Variants in PTPRN2 observed in about 807,000 individuals in gnomAD.
PTPRN2 encodes the protein protein tyrosine phosphatase receptor type N2.
Under a neutral mutation model 118.8 loss-of-function variants are expected in PTPRN2, and 74 were observed. The observed-to-expected ratio is 0.62, with a 90% CI of 0.52 to 0.76. PTPRN2 has a LOEUF of 0.76. Ranked by LOEUF, PTPRN2 falls within the 30% of genes least tolerant of loss-of-function variation. PTPRN2 has a pLI of 0.00. For missense variants in PTPRN2, 1,481 were observed against 1,394.4 expected (o/e 1.06, Z -0.99); for synonymous variants, 641 against 608.0 (o/e 1.05, Z -0.80).
intron 3 of PTPRN2, among the ~76,000 whole-genome samples, chr7:158,254,693 C>G (rs1030169687): frequency 1.6e-4 from 25 of 152,034 alleles, no homozygotes; most frequent in African/African-American, 5.8e-4. Context: ...TGTAACTGGA[C>G]AGTGGCACAG....
chr7:158,325,080 G>T (rs1332183308), intron 2 of PTPRN2, among the ~76,000 whole-genome samples: 1 of 151,532 alleles, frequency 6.6e-6, no homozygotes, highest in Non-Finnish European at 1.5e-5. Flanking sequence ...TCCACAGGGG[G>T]TCCCCCAGGC....
intron 12 of PTPRN2, among the ~76,000 whole-genome samples, chr7:157,702,028 T>C (rs1720573269): frequency 6.6e-6 from 1 of 151,060 alleles, no homozygotes; most frequent in Non-Finnish European, 1.5e-5. Context: ...GGGCTGTGCA[T>C]TTATAAGAAA....
intron 13 of PTPRN2, among the ~76,000 whole-genome samples, chr7:157,657,976 CCA>C (rs767566630): frequency 7.2e-4 from 94 of 130,284 alleles, no homozygotes; most frequent in African/African-American, 2.5e-3. Context: ...CACACACACA[CCA>C]CACACACGTC....
At chr7:158,357,257 G>A (rs571490205) in intron 2 of PTPRN2, among the ~76,000 whole-genome samples, 90 of 152,368 alleles carry the variant, frequency 5.9e-4, no homozygotes, top group African/African-American at 1.1e-3. Context: ...GTGGGTGCCC[G>A]GCTTGCAGGC....
chr7:157,597,345 T>A (rs1801402064), intron 16 of PTPRN2, among the ~76,000 whole-genome samples: 1 of 152,152 alleles, frequency 6.6e-6, no homozygotes, highest in African/African-American at 2.4e-5. Flanking sequence ...GAAAAATGCT[T>A]AGCAGAAATA....
chr7:158,218,418 G>A (rs902150188), intron 3 of PTPRN2, among the ~76,000 whole-genome samples: 14 of 152,172 alleles, frequency 9.2e-5, no homozygotes, highest in South Asian at 2.1e-4. Flanking sequence ...CATTAGACCC[G>A]CTTTACAAAG....
intron 1 of PTPRN2, among the ~76,000 whole-genome samples, chr7:158,523,987 T>G (rs1407504310): frequency 3.2e-5 from 2 of 63,222 alleles, no homozygotes; most frequent in Non-Finnish European, 5.7e-5. Context: ...GAGTGGAGTC[T>G]GCCCTGGAGT....
chr7:157,755,257 T>A (rs1202927640), intron 12 of PTPRN2, among the ~76,000 whole-genome samples: 1 of 152,244 alleles, frequency 6.6e-6, no homozygotes, highest in Non-Finnish European at 1.5e-5. Context: ...TTTAGACTAT[T>A]CAAGCTGTCA....
intron 2 of PTPRN2, among the ~76,000 whole-genome samples, chr7:158,395,116 G>A (rs73729794): frequency 0.033 from 5,010 of 152,120 alleles, 254 homozygotes; most frequent in African/African-American, 0.11. Context: ...GTAAGTAGCC[G>A]CGTTTTCGCC....
At chr7:158,479,959 A>C (rs547839954) in intron 2 of PTPRN2, among the ~76,000 whole-genome samples, 4 of 152,380 alleles carry the variant, frequency 2.6e-5, no homozygotes, top group African/African-American at 9.6e-5. Flanking sequence ...CAACTGAGCC[A>C]CTGGTTCTCT....
chr7:157,882,049 GCCA>G (rs1361906659), intron 12 of PTPRN2, among the ~76,000 whole-genome samples: 2 of 148,828 alleles, frequency 1.3e-5, no homozygotes, highest in Non-Finnish European at 3.0e-5. Flanking sequence ...ATCAGCACAT[GCCA>G]CCCCACAAAC....
At chr7:157,765,199 T>C (rs1433495680) in intron 12 of PTPRN2, among the ~76,000 whole-genome samples, 1 of 149,550 alleles carries the variant, frequency 6.7e-6, no homozygotes, top group Admixed American at 6.7e-5. Context: ...CATTCCTCCA[T>C]GCATCCATCC....
chr7:157,696,353 A>T (rs568013728), intron 12 of PTPRN2, among the ~76,000 whole-genome samples: 1 of 127,060 alleles, frequency 7.9e-6, no homozygotes, highest in East Asian at 2.7e-4. Context: ...CCATCTACTC[A>T]TGCATACTGG....
intron 1 of PTPRN2, among the ~76,000 whole-genome samples, chr7:158,502,244 C>T (rs1000057449): frequency 5.9e-5 from 9 of 152,218 alleles, no homozygotes; most frequent in Non-Finnish European, 1.2e-4. Flanking sequence ...CACTTGCTTA[C>T]AGATTGCCTA....
At chr7:158,064,891 C>T (rs1044579219) in intron 11 of PTPRN2, among the ~76,000 whole-genome samples, 5 of 152,156 alleles carry the variant, frequency 3.3e-5, no homozygotes, top group Admixed American at 6.5e-5. Flanking sequence ...GGATGGGGCA[C>T]AGAGTGGCCA....
intron 11 of PTPRN2, among the ~76,000 whole-genome samples, chr7:158,051,407 T>C (rs1809317625): frequency 1.3e-5 from 2 of 152,196 alleles, no homozygotes; most frequent in African/African-American, 4.8e-5. Context: ...AAGGAGCTGC[T>C]GGCCCCAGCC....
At chr7:158,247,330 G>A (rs1000209396) in intron 3 of PTPRN2, among the ~76,000 whole-genome samples, 1 of 152,218 alleles carries the variant, frequency 6.6e-6, no homozygotes, top group Non-Finnish European at 1.5e-5. Context: ...ACAGGAGAAG[G>A]CCGTGATGGG....
At chr7:157,758,248 C>T (rs1336104669) in intron 12 of PTPRN2, among the ~76,000 whole-genome samples, 2 of 152,250 alleles carry the variant, frequency 1.3e-5, no homozygotes, top group Admixed American at 6.5e-5. Context: ...TGGATGATGA[C>T]GAGCGTGGTG....
Position 158,342,349 on chromosome 7 carries a change from C to T in PTPRN2, c.164-25417G>A, listed in dbSNP as rs1455645333. On this transcript the variant is annotated intron_variant, in intron 2 of 22. Transcript: ENST00000389418. ...CACCATAAGAGCTGACACCTGCAGA[C>T]GTCACTCACACCCACACTCTCACCA... Among the ~76,000 whole-genome samples, 94 of 145,526 alleles carry T rather than the reference C, an allele frequency of 6.5e-4. 1 individual carries two copies. Among genetic ancestry groups the T allele is most frequent in the Non-Finnish European group, 1.3e-3 (84 of 66,290 alleles).
Sources: allele counts gnomAD v4.1 joint callset (sites outside exome capture counted in the v4.1 genomes callset), GRCh38; gene constraint gnomAD v4.1.1; transcripts MANE v1.5; gene names NCBI Gene and HGNC (gene_info 2026-07-23, HGNC 2026-07-21).